Variants in GAS7 observed in about 807,000 individuals in gnomAD.
GAS7 encodes growth arrest-specific protein 7.
A neutral mutation model predicts 71.1 loss-of-function variants in GAS7; 28 were observed. The ratio of observed to expected loss-of-function variants is 0.39; its 90% CI spans 0.29 to 0.54. The LOEUF (loss-of-function observed/expected upper bound fraction) is 0.54, where lower values mean the gene tolerates loss of function less well. Ranked by LOEUF, GAS7 falls within the 20% of genes least tolerant of loss-of-function variation. The pLI is 0.62. For missense variants in GAS7, 436 were observed against 627.8 expected (o/e 0.69, Z 3.27); for synonymous variants, 258 against 245.8 (o/e 1.05, Z -0.46).
At chr17:10,162,593 T>C (rs904714191) in intron 1 of GAS7, among the ~76,000 whole-genome samples, 13 of 152,232 alleles carry the variant, frequency 8.5e-5, no homozygotes, top group African/African-American at 2.4e-4. Flanking sequence ...GGCTATTTAC[T>C]GTGTTAAGTT....
At chr17:9,954,095 G>T (rs983517431) in intron 5 of GAS7, among the ~76,000 whole-genome samples, 6 of 152,214 alleles carry the variant, frequency 3.9e-5, no homozygotes. Flanking sequence ...AGAGGGGTGG[G>T]AAGGTGAGAA....
At chr17:9,951,976 G>A (rs560829801) in intron 5 of GAS7, among the ~76,000 whole-genome samples, 1 of 152,150 alleles carries the variant, frequency 6.6e-6, no homozygotes, top group East Asian at 1.9e-4. Flanking sequence ...AAGAGGAGAC[G>A]GTACCAAGGA....
chr17:10,048,621 G>A (rs1367274144), intron 1 of GAS7, among the ~76,000 whole-genome samples: 1 of 152,160 alleles, frequency 6.6e-6, no homozygotes, highest in African/African-American at 2.4e-5. Context: ...AATATTTGCT[G>A]AAGCTAAACT....
chr17:9,965,931 G>T (rs16959095), intron 4 of GAS7, among the ~76,000 whole-genome samples: 8,090 of 151,832 alleles, frequency 0.053, 702 homozygotes, highest in African/African-American at 0.18. Flanking sequence ...TAGTATGGTG[G>T]GGACACGTTA....
At chr17:10,013,017 C>T (rs552666525) in intron 2 of GAS7, among the ~76,000 whole-genome samples, 1 of 151,214 alleles carries the variant, frequency 6.6e-6, no homozygotes, top group African/African-American at 2.4e-5. Context: ...GCAGGAGAAT[C>T]GCTTGAATCC....
chr17:10,081,255 A>C (rs2073453818), intron 1 of GAS7, among the ~76,000 whole-genome samples: 1 of 152,208 alleles, frequency 6.6e-6, no homozygotes, highest in Admixed American at 6.5e-5. Flanking sequence ...CCCAGGTTCA[A>C]GCGATTCTCC....
chr17:9,911,060 C>T lies in GAS7; in HGVS notation c.*6168G>A, dbSNP rs1265715636. 1.3e-5 allele frequency: 3 copies of T among 233,182 alleles called. No homozygotes were observed. Among genetic ancestry groups the T allele is most frequent in the Non-Finnish European group, 2.5e-5 (3 of 117,962 alleles). 14.4% of individuals were successfully genotyped at this position (233,182 alleles called of 1,614,324 possible). The stretch of plus-strand genomic sequence containing the variant: ...GTGAAGGGGTTGCTTCCGGTCATCT[C>T]CTTCCTAACGGAAGGGAAGGGATGC... On this transcript the variant is annotated 3_prime_UTR_variant, in exon 14 of 14. Coordinates refer to ENST00000432992, the MANE Select transcript of GAS7 (RefSeq NM_201433.2). This position sits in a 1 kb window ranked among gnomAD's most constrained non-coding sequence, Gnocchi z 4.0.
chr17:10,158,156 G>A (rs367880965), intron 1 of GAS7, among the ~76,000 whole-genome samples: 3 of 152,044 alleles, frequency 2.0e-5, no homozygotes, highest in East Asian at 2.0e-4. Context: ...GTCTACAGGC[G>A]TCCGCCACCA....
At chr17:10,163,298 G>C (rs2074269960) in intron 1 of GAS7, among the ~76,000 whole-genome samples, 1 of 151,916 alleles carries the variant, frequency 6.6e-6, no homozygotes, top group Non-Finnish European at 1.5e-5. Context: ...TTTTAGTAGA[G>C]ACGGGGTGCG....
chr17:10,063,864 G>C (rs947742894), intron 1 of GAS7, among the ~76,000 whole-genome samples: 9 of 152,126 alleles, frequency 5.9e-5, no homozygotes, highest in Non-Finnish European at 7.4e-5. Flanking sequence ...CGGGTGGTGA[G>C]GGGGGCAGAG....
At position 9,918,309 on chromosome 17, in the gene GAS7, C is replaced by T. The variant is rs201679469; in HGVS notation, c.1219-210G>A. On this transcript the variant is annotated intron_variant, in intron 12 of 13. Transcript: ENST00000432992. ...TGTTTTACTTCCTGAAATCCTGCTC[C>T]GCCACGCACAGTGCTGAGGGCTTTA... 4.6e-4 allele frequency among the ~76,000 whole-genome samples: 70 copies of T among 152,330 alleles called. No homozygotes were observed. In the East Asian group the frequency reaches 5.8e-3, roughly 13 times the overall value.
rs2072701052 is a variant in GAS7 at position 10,034,540 on chromosome 17, C to T, written c.184-14643G>A. Among the ~76,000 whole-genome samples, 1 of 152,156 alleles carries T rather than the reference C, an allele frequency of 6.6e-6. No homozygotes were observed. Among genetic ancestry groups the T allele is most frequent in the Admixed American group, 6.5e-5 (1 of 15,278 alleles). ...ACCAGGCTGGCCTTGAACTCCTGAC[C>T]TCAGGTGATCTGCCCACCTCGGCCT... is the stretch of plus-strand genomic sequence containing the variant. On this transcript the variant is annotated intron_variant, in intron 1 of 13. Coordinates refer to ENST00000432992, the MANE Select transcript of GAS7 (RefSeq NM_201433.2). This position sits in a 1 kb window ranked among gnomAD's most constrained non-coding sequence, Gnocchi z 4.4.
intron 1 of GAS7, among the ~76,000 whole-genome samples, chr17:10,177,577 C>T (rs2074382662): frequency 6.6e-6 from 1 of 152,058 alleles, no homozygotes; most frequent in Non-Finnish European, 1.5e-5. Context: ...TCACTGCTGC[C>T]CTCCAGCCTT....
intron 1 of GAS7, among the ~76,000 whole-genome samples, chr17:10,085,686 C>A (rs768653466): frequency 2.5e-3 from 213 of 86,394 alleles, no homozygotes; most frequent in Non-Finnish European, 3.7e-3. Context: ...AGCGAGATTC[C>A]GTCTCAAAAA....
At position 9,926,764 on chromosome 17, in the gene GAS7, G is replaced by C. The variant is rs969857113; in HGVS notation, c.891C>G (p.His297Gln). The C allele has an allele frequency of 6.2e-7, 1 of 1,614,118 alleles. No homozygotes were observed. The highest frequency in any genetic ancestry group is 8.5e-7 in the Non-Finnish European group (1 of 1,179,982). ...EVHLKFSAKL[H>Q]SEVEKPLMNF... Reference sequence around the variant, plus strand: ...TCATCAGGGGCTTCTCCACCTCGCTGTGAAGCTGTTGGGAGAGTAGAGACG... The same window carrying C: ...TCATCAGGGGCTTCTCCACCTCGCTCTGAAGCTGTTGGGAGAGTAGAGACG... Residue 297 changes from histidine to glutamine, a missense_variant, in exon 10 of 14, where the codon CAC becomes CAG. By Grantham distance (24) the His-to-Gln change is conservative. Transcript: ENST00000432992. This position sits in a 1 kb window ranked among gnomAD's most constrained non-coding sequence, Gnocchi z 5.0.
intron 5 of GAS7, among the ~76,000 whole-genome samples, chr17:9,952,590 C>T (rs1457104401): frequency 6.6e-6 from 1 of 152,160 alleles, no homozygotes; most frequent in Non-Finnish European, 1.5e-5. Context: ...CAGGGTTTCA[C>T]CATGTTGGTC....
At chr17:10,107,046 G>A (rs530955947) in intron 1 of GAS7, among the ~76,000 whole-genome samples, 2 of 152,274 alleles carry the variant, frequency 1.3e-5, no homozygotes, top group African/African-American at 2.4e-5. Flanking sequence ...CAAGGAAGGA[G>A]TTCAAGAGGA....
At chr17:10,124,785 G>A (rs1331129143) in intron 1 of GAS7, among the ~76,000 whole-genome samples, 2 of 152,090 alleles carry the variant, frequency 1.3e-5, no homozygotes, top group South Asian at 4.1e-4. Flanking sequence ...GAGCATGGTG[G>A]TGCGCACCTG....
At chr17:9,961,736 T>G (rs927465308) in intron 4 of GAS7, among the ~76,000 whole-genome samples, 1 of 152,222 alleles carries the variant, frequency 6.6e-6, no homozygotes, top group African/African-American at 2.4e-5. Flanking sequence ...TTAAATGGCA[T>G]CAACTCCATT....
Sources: allele counts gnomAD v4.1 joint callset (sites outside exome capture counted in the v4.1 genomes callset), GRCh38; gene constraint gnomAD v4.1.1; non-coding constraint Gnocchi (gnomAD v3.1); transcripts MANE v1.5; gene names NCBI Gene and HGNC (gene_info 2026-07-23, HGNC 2026-07-21).